JAKMIP3: variants seen among roughly 807,000 people sequenced by gnomAD.
JAKMIP3 encodes the protein janus kinase and microtubule-interacting protein 3.
Under a neutral mutation model 118.5 loss-of-function variants are expected in JAKMIP3, and 58 were observed. That is an observed-to-expected ratio of 0.49 (90% CI 0.40 to 0.61). The LOEUF is 0.61. Among genes scored for constraint, JAKMIP3 ranks in the 20% least tolerant of loss-of-function variants. JAKMIP3 has a pLI of 0.00. For missense variants in JAKMIP3, 950 were observed against 1,109.0 expected, an observed-to-expected ratio of 0.86 and a Z score of 2.04; for synonymous variants, 486 against 451.2, an observed-to-expected ratio of 1.08 and a Z score of -0.98.
At chr10:132,107,038 C>T (rs2046014906) in intron 2 of JAKMIP3, among the ~76,000 whole-genome samples, 1 of 148,706 alleles carries the variant, frequency 6.7e-6, no homozygotes, top group Admixed American at 6.8e-5. Context: ...TGTGCACCAC[C>T]ATGTCCGGCT....
At chr10:132,181,662 C>T (rs1296468076) in intron 23 of JAKMIP3, 1 of 152,256 alleles carries the variant, frequency 6.6e-6, no homozygotes, top group African/African-American at 2.4e-5. Context: ...TGTCATTTGA[C>T]TACATTTATT....
intron 1 of JAKMIP3, among the ~76,000 whole-genome samples, chr10:132,042,358 T>A (rs1214569556): frequency 6.6e-6 from 1 of 152,232 alleles, no homozygotes; most frequent in African/African-American, 2.4e-5. Context: ...ACTACAGGTT[T>A]GCACCACCAC....
In JAKMIP3 at chr10:132,102,561, C is replaced by T. The variant is rs77421259; in HGVS notation, c.-137-2111C>T. 5.6e-4 allele frequency among the ~76,000 whole-genome samples: 86 copies of T among 152,344 alleles called. 1 individual carries two copies. The highest frequency in any genetic ancestry group is 2.0e-3 in the African/African-American group (83 of 41,574). ...GGCGGCCCTGCAGGGTGAGACGTGC[C>T]CAGCCTCTTCCCAGTTCACCTGTCA... On this transcript the variant is annotated intron_variant, in intron 1 of 23. Transcript: ENST00000684848.
chr10:132,127,922 T>G (rs1589881598), intron 3 of JAKMIP3, among the ~76,000 whole-genome samples: 1 of 152,276 alleles, frequency 6.6e-6, no homozygotes, highest in East Asian at 1.9e-4. Context: ...TTTACCCACT[T>G]CTCCTATGAT....
At chr10:132,059,442 T>C (rs1345056260) in intron 1 of JAKMIP3, among the ~76,000 whole-genome samples, 2 of 152,264 alleles carry the variant, frequency 1.3e-5, no homozygotes, top group African/African-American at 4.8e-5. Flanking sequence ...CAAGTTTGTA[T>C]ATTTCTAACT....
intron 3 of JAKMIP3, among the ~76,000 whole-genome samples, chr10:132,122,913 G>C (rs1475563049): frequency 6.6e-6 from 1 of 152,194 alleles, no homozygotes; most frequent in Admixed American, 6.5e-5. Flanking sequence ...CTTGGCTAGG[G>C]AACTCAGGAA....
intron 22 of JAKMIP3, among the ~76,000 whole-genome samples, chr10:132,167,389 G>A (rs906424907): frequency 2.0e-5 from 3 of 152,156 alleles, no homozygotes; most frequent in Admixed American, 6.5e-5. Context: ...GGTGGCACTC[G>A]GCAGCAGGCC....
rs1332633306 is a variant in JAKMIP3 at position 132,180,708 on chromosome 10, C to CGT, written c.*1104-1648_*1104-1647insTG. Reference sequence around the variant, plus strand: ...GTGTGTGTGCGTGCGTGTGTGTGTGCGCGTGTGTGTGCGTGTGTGTGCGTG... The same window carrying CGT: ...GTGTGTGTGCGTGCGTGTGTGTGTGCGTGCGTGTGTGTGCGTGTGTGTGCGTG... On this transcript the variant is annotated intron_variant, in intron 23 of 23. Coordinates refer to ENST00000684848, the MANE Select transcript of JAKMIP3 (RefSeq NM_001323087.2). Among the ~76,000 whole-genome samples the CGT allele has an allele frequency of 4.7e-3, 60 of 12,744 alleles. 9 individuals carry two copies. Among genetic ancestry groups the CGT allele is most frequent in the African/African-American group, 0.022 (48 of 2,198 alleles). The allele number at this position is 12,744 out of a possible 152,430, so 8.4% of individuals were successfully genotyped here.
At chr10:132,166,930 T>C in intron 21 of JAKMIP3, 53 bp from the exon 22 acceptor site, 1 of 1,313,576 alleles carries the variant, frequency 7.6e-7, no homozygotes, top group Non-Finnish European at 1.1e-6. Flanking sequence ...CACTACAAAC[T>C]CTTTTTTCTC....
At chr10:132,126,571 G>A (rs907743929) in intron 3 of JAKMIP3, among the ~76,000 whole-genome samples, 1 of 100,448 alleles carries the variant, frequency 1.0e-5, no homozygotes, top group African/African-American at 3.8e-5. Context: ...TTACAGGTGT[G>A]AGCCATTGCA....
chr10:132,085,881 CTGATCT>C, intron 1 of JAKMIP3, among the ~76,000 whole-genome samples: 1 of 152,174 alleles, frequency 6.6e-6, no homozygotes, highest in East Asian at 1.9e-4. Context: ...TAGTTCTGCA[CTGATCT>C]TGGTTATTTC....
chr10:132,158,603 A>G (rs116350616), intron 19 of JAKMIP3, among the ~76,000 whole-genome samples: 91 of 152,268 alleles, frequency 6.0e-4, no homozygotes, highest in African/African-American at 2.1e-3. Flanking sequence ...GACTGGGGGC[A>G]TCCTCCTGTG....
chr10:132,050,438 C>T (rs2038065774), intron 1 of JAKMIP3, among the ~76,000 whole-genome samples: 1 of 152,164 alleles, frequency 6.6e-6, no homozygotes, highest in Non-Finnish European at 1.5e-5. Flanking sequence ...GTCGCCTTTG[C>T]CACCAGAGGG....
rs5789110 is a variant in JAKMIP3, at chr10:132,045,933, T to TAAAAA, written c.-138+9206_-138+9210dup. 2.8e-5 allele frequency among the ~76,000 whole-genome samples: 4 copies of TAAAAA among 144,208 alleles called. No individual in the cohort carries two copies. In the South Asian group the frequency reaches 8.8e-4, roughly 32 times the overall value. 94.6% of individuals were successfully genotyped at this position (144,208 alleles called of 152,430 possible). A position where few individuals can be genotyped will look rare whatever the true frequency, so the allele number is the denominator to read the frequency against. On this transcript the variant is annotated intron_variant, in intron 1 of 23. Coordinates refer to the JAKMIP3 transcript ENST00000657785. ...TGGGTGACAGAGCAAGATCCTGTCT[T>TAAAAA]AAAAAAAAAAAAAAATACACACACT...
chr10:132,133,473 G>A lies in JAKMIP3; in HGVS notation c.795G>A (p.Arg265=). ...ACCGGCACCCGGGCAGCCCCAGACGGGAACTTCCTCATGCAGCTGGTGCAG... is the reference window on the plus strand; with the variant it reads ...ACCGGCACCCGGGCAGCCCCAGACGAGAACTTCCTCATGCAGCTGGTGCAG... The part of the protein sequence containing the change: ...EADRHPGSPR[R]ELPHAAGAGD... The change falls in exon 4 of 24, where the codon CGG becomes CGA. Residue 265 remains arginine (R), a synonymous_variant. Transcript: ENST00000684848. 6.3e-7 allele frequency: 1 copy of A among 1,583,350 alleles called. No individual in the cohort carries two copies. The highest frequency in any genetic ancestry group is 2.3e-5 in the East Asian group (1 of 43,062).
intron 3 of JAKMIP3, among the ~76,000 whole-genome samples, chr10:132,132,477 C>G (rs977170426): frequency 3.9e-5 from 6 of 152,116 alleles, no homozygotes; most frequent in East Asian, 1.9e-4. Context: ...GGGGTACTTG[C>G]AGGCAGCGGC....
At chr10:132,181,721 T>C (rs768477045) in intron 23 of JAKMIP3, among the ~76,000 whole-genome samples, 3 of 152,176 alleles carry the variant, frequency 2.0e-5, no homozygotes, top group African/African-American at 4.8e-5. Flanking sequence ...TTAGGTTAAA[T>C]CAAAAACCAA....
At chr10:132,131,462 G>A (rs893083746) in intron 3 of JAKMIP3, among the ~76,000 whole-genome samples, 1 of 151,150 alleles carries the variant, frequency 6.6e-6, no homozygotes, top group East Asian at 2.0e-4. Flanking sequence ...TAAGGGGTGA[G>A]GGTGTCGGGC....
In JAKMIP3 at chr10:132,182,642, T is replaced by C. The variant is rs189750382; in HGVS notation, c.*1389T>C. The C allele has an allele frequency of 2.9e-4, 44 of 152,334 alleles. No individual in the cohort carries two copies. The highest frequency in any genetic ancestry group is 5.3e-4 in the Non-Finnish European group (36 of 68,034). 9.4% of individuals were successfully genotyped at this position (152,334 alleles called of 1,614,324 possible). ...TGGGATTTAGCCATTTCGAGGCACC[T>C]AGAAGTTGAGGCAGCCAGCTGTGCA... On this transcript the variant is annotated 3_prime_UTR_variant, in exon 24 of 24. Coordinates refer to ENST00000684848, the MANE Select transcript of JAKMIP3 (RefSeq NM_001323087.2).
Sources: gnomAD v4.1 joint callset for allele counts (sites outside exome capture counted in the v4.1 genomes callset) on GRCh38, gnomAD v4.1.1 for gene constraint, MANE v1.5 for transcripts, NCBI Gene and HGNC (gene_info 2026-07-23, HGNC 2026-07-21) for gene names.